Variants in SPRED2 observed in about 807,000 individuals in gnomAD.
The protein encoded by SPRED2 is sprouty-related, EVH1 domain-containing protein 2.
In SPRED2, 47 loss-of-function variants were observed where a neutral mutation model predicts 43.0. That is an observed-to-expected ratio of 1.09 (90% CI 0.87 to 1.40). The LOEUF (loss-of-function observed/expected upper bound fraction) is 1.40, where lower values mean the gene tolerates loss of function less well. Ranked by LOEUF, SPRED2 falls within the 40% of genes most tolerant of loss-of-function variation. The pLI is 0.00. For missense variants in SPRED2, 561 were observed against 586.4 expected (o/e 0.96, Z 0.45); for synonymous variants, 225 against 225.7 (o/e 1.00, Z 0.03).
chr2:65,355,237 C>T (rs959808225), intron 1 of SPRED2, among the ~76,000 whole-genome samples: 3 of 152,148 alleles, frequency 2.0e-5, no homozygotes, highest in Non-Finnish European at 4.4e-5. Context: ...GCCTCTGTAT[C>T]AGTCACGTAT....
intron 2 of SPRED2, among the ~76,000 whole-genome samples, chr2:65,339,097 T>TG (rs753578435): frequency 0.22 from 10,749 of 47,774 alleles, 1,188 homozygotes; most frequent in South Asian, 0.36. Flanking sequence ...GGAGGGAGGT[T>TG]GGGCGGGGGG....
intron 4 of SPRED2, among the ~76,000 whole-genome samples, chr2:65,320,692 T>C (rs568737410): frequency 3.2e-4 from 49 of 152,228 alleles, no homozygotes; most frequent in Non-Finnish European, 4.4e-4. Flanking sequence ...GAAGATTCCA[T>C]TGGAAGCCAA....
intron 1 of SPRED2, among the ~76,000 whole-genome samples, chr2:65,415,303 A>T (rs2103776641): frequency 6.6e-6 from 1 of 152,298 alleles, no homozygotes; most frequent in African/African-American, 2.4e-5. Context: ...GGGTGACAAG[A>T]TACAATCTTA....
chr2:65,320,033 C>A lies in SPRED2; in HGVS notation c.439-3150G>T, dbSNP rs551939844. ...CAACTTCTCCAAGTCACAAGGTACA[C>A]CCTGCTGTATACAAACCCAGGAGAT... On this transcript the variant is annotated intron_variant, in intron 4 of 5. Transcript: ENST00000356388. Among the ~76,000 whole-genome samples the A allele has an allele frequency of 2.0e-5, 3 of 152,320 alleles. 1 individual carries two copies. The highest frequency in any genetic ancestry group is 7.2e-5 in the African/African-American group (3 of 41,562).
chr2:65,367,020 G>A (rs1674996633), intron 1 of SPRED2, among the ~76,000 whole-genome samples: 1 of 152,202 alleles, frequency 6.6e-6, no homozygotes, highest in South Asian at 2.1e-4. Context: ...AACCACAAGT[G>A]CAAATTCTTC....
intron 2 of SPRED2, among the ~76,000 whole-genome samples, chr2:65,336,114 G>A (rs1043464828): frequency 1.3e-5 from 2 of 152,172 alleles, no homozygotes; most frequent in Admixed American, 6.5e-5. Flanking sequence ...CAGCACTTTT[G>A]GGGGCTGAGG....
intron 4 of SPRED2, among the ~76,000 whole-genome samples, chr2:65,322,254 CTCTCTCTCTCTCTCTCTATATA>C (rs1558649618): frequency 1.3e-5 from 1 of 76,870 alleles, no homozygotes; most frequent in South Asian, 4.1e-4. Context: ...CTCTCTCTCT[CTCTCTCTCTCTCTCTCTATATA>C]TATATATATA....
chr2:65,426,357 G>A (rs1676558517), intron 1 of SPRED2, among the ~76,000 whole-genome samples: 1 of 152,110 alleles, frequency 6.6e-6, no homozygotes, highest in South Asian at 2.1e-4. Context: ...TTAGTCAGTA[G>A]GGATGAAACA....
chr2:65,314,030 G>C lies in SPRED2; in HGVS notation c.728C>G (p.Pro243Arg), dbSNP rs183246092. 8 of 1,614,010 alleles carry C rather than the reference G, an allele frequency of 5.0e-6. No individual in the cohort carries two copies. Among genetic ancestry groups the C allele is most frequent in the Non-Finnish European group, 5.1e-6 (6 of 1,180,042 alleles). ...GTAGGAGGAGTCCGCGTCCTCCGAG[G>C]GGTCCGGGTACTTGCCCCTGACGGG... ...HAPVRGKYPDPSEDADSSYVR... is the reference protein window; with the variant it reads ...HAPVRGKYPDRSEDADSSYVR... The change falls in exon 6 of 6, where the codon CCC (proline) becomes CGC (arginine). Residue 243 changes from proline to arginine, a missense_variant. Transcript: ENST00000356388.
chr2:65,314,692 T>TA (rs1286578213), intron 5 of SPRED2, among the ~76,000 whole-genome samples: 1 of 152,204 alleles, frequency 6.6e-6, no homozygotes, highest in Non-Finnish European at 1.5e-5. Context: ...TGAAATAGAA[T>TA]AAGGACACTG....
Position 65,374,575 on chromosome 2 carries a change from A to G in SPRED2, c.27-29679T>C, listed in dbSNP as rs184983338. Among the ~76,000 whole-genome samples, 25 of 152,392 alleles carry G rather than the reference A, an allele frequency of 1.6e-4. No individual in the cohort carries two copies. The East Asian group carries it at 4.2e-3, about 26-fold the overall frequency. On this transcript the variant is annotated intron_variant, in intron 1 of 5. Coordinates refer to ENST00000356388, the MANE Select transcript of SPRED2 (RefSeq NM_181784.3). ...CATGATTCCAGAATAAGAAAAGTAG[A>G]TGATCACATCTAGGATATTTACCTG...
At chr2:65,411,682 G>A (rs1676163992) in intron 1 of SPRED2, among the ~76,000 whole-genome samples, 1 of 152,118 alleles carries the variant, frequency 6.6e-6, no homozygotes, top group South Asian at 2.1e-4. Context: ...TTGGAACGCT[G>A]GTGACTTGTT....
At chr2:65,356,322 TGAG>T (rs1171234048) in intron 1 of SPRED2, among the ~76,000 whole-genome samples, 2 of 152,158 alleles carry the variant, frequency 1.3e-5, no homozygotes, top group Admixed American at 6.5e-5. Context: ...ATTGCAGACT[TGAG>T]GTGGTAGGCA....
intron 2 of SPRED2, among the ~76,000 whole-genome samples, chr2:65,337,335 A>G (rs556305143): frequency 8.5e-5 from 13 of 152,332 alleles, no homozygotes; most frequent in African/African-American, 3.1e-4. Flanking sequence ...AAACTTGAGA[A>G]AGGCTTTAAA....
In SPRED2 at chr2:65,327,912, T is replaced by C. The variant is rs377181448; in HGVS notation, c.438+4075A>G. 2.0e-3 allele frequency among the ~76,000 whole-genome samples: 307 copies of C among 151,582 alleles called. 1 individual carries two copies. The highest frequency in any genetic ancestry group is 0.012 in the South Asian group (55 of 4,780). On this transcript the variant is annotated intron_variant, in intron 4 of 5. Coordinates refer to ENST00000356388, the MANE Select transcript of SPRED2 (RefSeq NM_181784.3). ...CTAATTTTTGTATTTTTAGTAGAGA[T>C]GGGGTTTCACCATGTTGGCCAGGCT...
At chr2:65,357,554 G>A (rs944911075) in intron 1 of SPRED2, among the ~76,000 whole-genome samples, 5 of 152,210 alleles carry the variant, frequency 3.3e-5, no homozygotes, top group African/African-American at 1.2e-4. Context: ...AAAGGACCTC[G>A]TGTGGTGGCA....
At chr2:65,343,432 T>C (rs1674247589) in intron 2 of SPRED2, among the ~76,000 whole-genome samples, 3 of 152,220 alleles carry the variant, frequency 2.0e-5, no homozygotes, top group Non-Finnish European at 4.4e-5. Context: ...ATTTTCTAAA[T>C]TTTTTTAAAC....
At chr2:65,429,148 TA>T (rs1213945286) in intron 1 of SPRED2, among the ~76,000 whole-genome samples, 1 of 152,204 alleles carries the variant, frequency 6.6e-6, no homozygotes, top group Non-Finnish European at 1.5e-5. Context: ...AACAAAACAT[TA>T]TTTTTTTAAA....
chr2:65,364,623 C>T (rs1206610111), intron 1 of SPRED2, among the ~76,000 whole-genome samples: 1 of 152,168 alleles, frequency 6.6e-6, no homozygotes, highest in Non-Finnish European at 1.5e-5. Flanking sequence ...GAATATGGTG[C>T]TCTGGAAAGA....
Sources: gnomAD v4.1 joint callset for allele counts (sites outside exome capture counted in the v4.1 genomes callset) on GRCh38, gnomAD v4.1.1 for gene constraint, MANE v1.5 for transcripts, NCBI Gene and HGNC (gene_info 2026-07-23, HGNC 2026-07-21) for gene names.